The following HS6ST3 variants were observed in gnomAD, a reference collection of about 807,000 sequenced individuals.
The protein encoded by HS6ST3 is heparan-sulfate 6-O-sulfotransferase 3.
Under a neutral mutation model 36.7 loss-of-function variants are expected in HS6ST3, and 12 were observed. That is an observed-to-expected ratio of 0.33 (90% CI 0.21 to 0.53). The LOEUF (loss-of-function observed/expected upper bound fraction) is 0.53. Among genes scored for constraint, HS6ST3 ranks in the 20% least tolerant of loss-of-function variants. HS6ST3 has a pLI of 0.95. For synonymous variants in HS6ST3, 240 were observed against 257.5 expected (o/e 0.93, Z 0.65); for missense variants, 584 against 640.9 (o/e 0.91, Z 0.96).
intron 1 of HS6ST3, among the ~76,000 whole-genome samples, chr13:96,781,459 A>C (rs1337232497): frequency 6.6e-6 from 1 of 152,236 alleles, no homozygotes; most frequent in Non-Finnish European, 1.5e-5. Flanking sequence ...CTGAAGAGCC[A>C]ACAACGAAGC....
At chr13:96,537,301 T>C (rs921635715) in intron 1 of HS6ST3, among the ~76,000 whole-genome samples, 4 of 152,140 alleles carry the variant, frequency 2.6e-5, no homozygotes, top group Non-Finnish European at 5.9e-5. Context: ...ACCACCCCTA[T>C]GATTCAGTTA....
At chr13:96,817,794 A>G (rs904605511) in intron 1 of HS6ST3, among the ~76,000 whole-genome samples, 1 of 152,162 alleles carries the variant, frequency 6.6e-6, no homozygotes, top group Admixed American at 6.6e-5. Context: ...GCTTATCACC[A>G]AGAGAAATAA....
At chr13:96,339,733 A>G (rs1391954201) in intron 1 of HS6ST3, among the ~76,000 whole-genome samples, 1 of 152,178 alleles carries the variant, frequency 6.6e-6, no homozygotes, top group East Asian at 1.9e-4. Context: ...CACCCCCATC[A>G]ATTGGGAGTA....
chr13:96,339,498 A>G (rs2055119351), intron 1 of HS6ST3, among the ~76,000 whole-genome samples: 1 of 152,198 alleles, frequency 6.6e-6, no homozygotes, highest in Non-Finnish European at 1.5e-5. Flanking sequence ...TCCTTGCCCA[A>G]GGCTATAGTT....
intron 1 of HS6ST3, among the ~76,000 whole-genome samples, chr13:96,300,884 A>G (rs2054878682): frequency 2.0e-5 from 3 of 152,220 alleles, no homozygotes; most frequent in Admixed American, 2.0e-4. Flanking sequence ...TAATTGGACA[A>G]CATTTTGCGT....
intron 1 of HS6ST3, among the ~76,000 whole-genome samples, chr13:96,464,985 T>C (rs376133762): frequency 7.5e-6 from 1 of 133,634 alleles, no homozygotes; most frequent in Non-Finnish European, 1.7e-5. Context: ...TGTGTGTGTG[T>C]GTGCATGCCC....
chr13:96,367,714 A>AT (rs1486351360), intron 1 of HS6ST3, among the ~76,000 whole-genome samples: 1 of 152,238 alleles, frequency 6.6e-6, no homozygotes, highest in African/African-American at 2.4e-5. Context: ...GGTGCAAAGA[A>AT]TTCAAGACTG....
At position 96,419,648 on chromosome 13, in the gene HS6ST3, A is replaced by G. The variant is rs2055553181; in HGVS notation, c.707+328079A>G. 2.0e-5 allele frequency among the ~76,000 whole-genome samples: 3 copies of G among 152,200 alleles called. No homozygotes were observed. The South Asian group carries it at 6.2e-4, about 32-fold the overall frequency. On this transcript the variant is annotated intron_variant, in intron 1 of 1. Coordinates refer to ENST00000376705, the MANE Select transcript of HS6ST3 (RefSeq NM_153456.4). ...CTATAGTTCTGGAGGCTAGAAGTCCAAAGTCAAGGTGTCATAGGCCATGCT... is the reference window on the plus strand; with the variant it reads ...CTATAGTTCTGGAGGCTAGAAGTCCGAAGTCAAGGTGTCATAGGCCATGCT...
intron 1 of HS6ST3, among the ~76,000 whole-genome samples, chr13:96,566,498 C>A (rs2056281853): frequency 6.6e-6 from 1 of 151,988 alleles, no homozygotes. Flanking sequence ...AGTAGAAACT[C>A]TTTAAAAAAA....
chr13:96,695,092 T>G (rs1035256386), intron 1 of HS6ST3, among the ~76,000 whole-genome samples: 1 of 152,172 alleles, frequency 6.6e-6, no homozygotes, highest in East Asian at 1.9e-4. Flanking sequence ...TTTAAAAAAA[T>G]TATTTTTTAT....
chr13:96,270,422 T>C (rs188927521), intron 1 of HS6ST3, among the ~76,000 whole-genome samples: 386 of 152,144 alleles, frequency 2.5e-3, no homozygotes, highest in Admixed American at 3.3e-3. Context: ...GTTTTGATTT[T>C]TTCTAAGTTA....
chr13:96,339,849 A>T (rs1259680741), intron 1 of HS6ST3, among the ~76,000 whole-genome samples: 1 of 152,212 alleles, frequency 6.6e-6, no homozygotes, highest in South Asian at 2.1e-4. Context: ...TGGAAAAGGA[A>T]GGTGCTCTTT....
At chr13:96,627,456 A>G (rs929055956) in intron 1 of HS6ST3, among the ~76,000 whole-genome samples, 2 of 151,956 alleles carry the variant, frequency 1.3e-5, no homozygotes, top group Non-Finnish European at 2.9e-5. Flanking sequence ...ACTTCTATAT[A>G]TCCATGATTT....
At chr13:96,500,240 T>C (rs2055997568) in intron 1 of HS6ST3, among the ~76,000 whole-genome samples, 1 of 152,196 alleles carries the variant, frequency 6.6e-6, no homozygotes, top group African/African-American at 2.4e-5. Context: ...GGCTCATCCA[T>C]GTTGTAGCAG....
chr13:96,365,423 G>A (rs1342830145), intron 1 of HS6ST3, among the ~76,000 whole-genome samples: 1 of 152,210 alleles, frequency 6.6e-6, no homozygotes, highest in Non-Finnish European at 1.5e-5. Flanking sequence ...AGAGCATGAG[G>A]TAGGGGTACA....
At chr13:96,140,780 A>G (rs920219383) in intron 1 of HS6ST3, among the ~76,000 whole-genome samples, 1 of 152,198 alleles carries the variant, frequency 6.6e-6, no homozygotes, top group Non-Finnish European at 1.5e-5. Flanking sequence ...GTGCAGGATT[A>G]CTGTAAGAAA....
intron 1 of HS6ST3, among the ~76,000 whole-genome samples, chr13:96,826,347 A>T (rs1474710471): frequency 6.6e-6 from 1 of 152,202 alleles, no homozygotes; most frequent in Non-Finnish European, 1.5e-5. Flanking sequence ...CATATTTATC[A>T]AAGGCAATAT....
At chr13:96,812,732 C>A (rs917865569) in intron 1 of HS6ST3, among the ~76,000 whole-genome samples, 2 of 152,146 alleles carry the variant, frequency 1.3e-5, no homozygotes, top group African/African-American at 4.8e-5. Context: ...ATTATGGCAT[C>A]TTTTCCTGTT....
At chr13:96,723,961 C>A (rs1245278388) in intron 1 of HS6ST3, among the ~76,000 whole-genome samples, 1 of 152,102 alleles carries the variant, frequency 6.6e-6, no homozygotes, top group Non-Finnish European at 1.5e-5. Context: ...ACTTCTTCAT[C>A]CTATCTTTTC....
Sources: gnomAD v4.1 joint callset for allele counts (sites outside exome capture counted in the v4.1 genomes callset) on GRCh38, gnomAD v4.1.1 for gene constraint, MANE v1.5 for transcripts, NCBI Gene and HGNC (gene_info 2026-07-23, HGNC 2026-07-21) for gene names.